The following LAMA5 variants were observed in gnomAD, a reference collection of about 807,000 sequenced individuals.
LAMA5 encodes the protein laminin subunit alpha-5.
In LAMA5, 260 loss-of-function variants were observed where a neutral mutation model predicts 433.4. The observed-to-expected ratio is 0.60, with a 90% CI of 0.54 to 0.66. The LOEUF (loss-of-function observed/expected upper bound fraction) is 0.66, where lower values mean the gene tolerates loss of function less well. Ranked by LOEUF, LAMA5 falls within the 30% of genes least tolerant of loss-of-function variation. The pLI is 0.00. For synonymous variants in LAMA5, 2,620 were observed against 2,226.6 expected (o/e 1.18, Z -4.97); for missense variants, 5,378 against 5,258.5 (o/e 1.02, Z -0.70).
chr20:62,315,684 C>T (rs552859721), intron 58 of LAMA5, among the ~76,000 whole-genome samples: 2 of 152,184 alleles, frequency 1.3e-5, no homozygotes, highest in East Asian at 1.9e-4. Flanking sequence ...CCAATCCCCC[C>T]CAAGGCCTAC....
At chr20:62,327,166 C>T in intron 38 of LAMA5, 67 bp downstream of exon 38, 2 of 1,411,646 alleles carry the variant, frequency 1.4e-6, no homozygotes, top group Non-Finnish European at 1.9e-6. Flanking sequence ...CCGCTCCTGG[C>T]TCCCAACCCT....
At chr20:62,311,816 T>TGGGCCCCCCCC in intron 70 of LAMA5, 32 bp from the exon 71 acceptor site, 3 of 1,520,952 alleles carry the variant, frequency 2.0e-6, no homozygotes, top group Non-Finnish European at 2.7e-6. Flanking sequence ...GCTCGGTTTT[T>TGGGCCCCCCCC]CCCCACCCTG....
chr20:62,322,400 C>A lies in LAMA5; in HGVS notation c.6215G>T (p.Cys2072Phe). Residue 2072 changes from cysteine to phenylalanine, a missense_variant, in exon 47 of 80, where the codon TGT becomes TTT. Transcript: ENST00000252999. ...DGCGGCRPCACGPAAEGSECH... is the reference protein window; with the variant it reads ...DGCGGCRPCAFGPAAEGSECH... ...CTCGGAGCCCTCGGCGGCCGGTCCACAAGCACACGGGCGGCAGCCCCCGCA... is the reference window on the plus strand; with the variant it reads ...CTCGGAGCCCTCGGCGGCCGGTCCAAAAGCACACGGGCGGCAGCCCCCGCA... 1 of 1,594,392 alleles carries A rather than the reference C, an allele frequency of 6.3e-7. No individual in the cohort carries two copies. The highest frequency in any genetic ancestry group is 1.1e-5 in the South Asian group (1 of 88,628).
In LAMA5 at chr20:62,328,851, G is replaced by C; in HGVS notation, c.4440C>G (p.Asn1480Lys). The stretch of plus-strand genomic sequence containing the variant: ...AAGGACTGGGGTACTCACGCCTGCA[G>C]TTGGGGAAGCCCCAGTATCCGGTGG... ...RCATGYWGFP[N>K]CRPCDCGARL... Residue 1480 changes from asparagine (N) to lysine (K), a missense_variant, in exon 34 of 80, where the codon AAC (asparagine) becomes AAG (lysine). Transcript: ENST00000252999. 1.2e-6 allele frequency: 2 copies of C among 1,611,310 alleles called. No individual in the cohort carries two copies. Among genetic ancestry groups the C allele is most frequent in the Non-Finnish European group, 1.7e-6 (2 of 1,179,452 alleles).
At position 62,328,392 on chromosome 20, in the gene LAMA5, G is replaced by C. The variant is rs781745683; in HGVS notation, c.4501C>G (p.Pro1501Ala). Residue 1501 changes from proline to alanine, a missense_variant, in exon 35 of 80, where the codon CCG (proline) becomes GCG (alanine). Transcript: ENST00000252999. ...CDELTGQCIC[P>A]PRTIPPDCLL... ...CAGTCGGGCGGGATGGTGCGTGGCG[G>C]GCAGATGCACTGGCCCGTGAGCTCG... The C allele has an allele frequency of 1.8e-5, 28 of 1,556,746 alleles. No individual in the cohort carries two copies. Among genetic ancestry groups the C allele is most frequent in the Admixed American group, 1.6e-4 (8 of 51,412 alleles).
intron 9 of LAMA5, 108 bp downstream of exon 9, chr20:62,346,398 G>T: frequency 7.3e-7 from 1 of 1,363,724 alleles, no homozygotes; most frequent in Non-Finnish European, 1.0e-6. Flanking sequence ...TCCTGGGCTG[G>T]CCTGGAAGCT....
At chr20:62,349,235 C>A (rs1983819536) in intron 6 of LAMA5, among the ~76,000 whole-genome samples, 1 of 127,828 alleles carries the variant, frequency 7.8e-6, no homozygotes, top group South Asian at 2.6e-4. Context: ...CGTGCCACTG[C>A]ACGCCAGTCT....
intron 9 of LAMA5, 113 bp from the exon 10 acceptor site, chr20:62,346,328 G>C (rs1014822167): frequency 6.9e-7 from 1 of 1,441,122 alleles, no homozygotes; most frequent in African/African-American, 1.4e-5. Flanking sequence ...GAGGGCTACA[G>C]CCAGGCCCCC....
chr20:62,331,066 A>G lies in LAMA5; in HGVS notation c.3616T>C (p.Cys1206Arg). 6.2e-7 allele frequency: 1 copy of G among 1,603,820 alleles called. No individual in the cohort carries two copies. Among genetic ancestry groups the G allele is most frequent in the East Asian group, 2.2e-5 (1 of 44,642 alleles). ...CCAAAGGCGCCGTGGCTGCTGATGC[A>G]GCTGACCCGGGGCTCCACGAACTCC... ...SPEFVEPRVS[C>R]ISSHGAFGPN... Residue 1206 changes from cysteine (C) to arginine (R), a missense_variant, in exon 29 of 80, where the codon TGC becomes CGC. Cys to Arg is a radical substitution (Grantham distance 180). Coordinates refer to ENST00000252999, the MANE Select transcript of LAMA5 (RefSeq NM_005560.6).
chr20:62,353,420 G>T (rs1269416876), intron 2 of LAMA5, 169 bp from the exon 3 acceptor site: 2 of 545,384 alleles, frequency 3.7e-6, no homozygotes, highest in Non-Finnish European at 6.5e-6. Context: ...GAACCCAGGG[G>T]AGAGGGCTCC....
chr20:62,354,798 C>T (rs528821269), intron 2 of LAMA5, among the ~76,000 whole-genome samples: 105 of 152,280 alleles, frequency 6.9e-4, no homozygotes, highest in Non-Finnish European at 1.1e-3. Context: ...AAGTTGTCTC[C>T]AGGCCCTGTC....
chr20:62,337,542 C>CCA, intron 16 of LAMA5, 48 bp downstream of exon 16: 2 of 1,560,932 alleles, frequency 1.3e-6, no homozygotes, highest in Non-Finnish European at 8.7e-7. Context: ...CAGCACAGAC[C>CCA]CACACACAGG....
chr20:62,329,234 G>A lies in LAMA5; in HGVS notation c.4139C>T (p.Pro1380Leu), dbSNP rs1020954911. ...WLWLDYVLVV[P>L]ENVYSFGYLR... ...GTAGCCAAAGCTGTAGACGTTCTCA[G>A]GGACCACGAGTACATAATCCTAGGG... The change falls in exon 33 of 80, where the codon CCT becomes CTT. Residue 1380 changes from proline to leucine, a missense_variant. Transcript: ENST00000252999. 6 of 1,612,448 alleles carry A rather than the reference G, an allele frequency of 3.7e-6. No individual in the cohort carries two copies.
intron 34 of LAMA5, 31 bp from the exon 35 acceptor site, chr20:62,328,476 C>T (rs1473532832): frequency 9.6e-6 from 14 of 1,460,414 alleles, no homozygotes; most frequent in Non-Finnish European, 1.3e-5. Flanking sequence ...TTACTGACCC[C>T]TCTTCCCAGT....
rs984742983 is a variant in LAMA5 at position 62,334,324 on chromosome 20, G to A, written c.2601C>T (p.Tyr867=). 1.2e-6 allele frequency: 2 copies of A among 1,607,296 alleles called. No individual in the cohort carries two copies. Among genetic ancestry groups the A allele is most frequent in the Non-Finnish European group, 1.7e-6 (2 of 1,177,552 alleles). The change falls in exon 22 of 80, where the codon TAC becomes TAT. Residue 867 remains tyrosine (Y), a synonymous_variant. Transcript: ENST00000252999. ...GGCGCAGGTGGTGCAGGTCCGGGAG[G>A]TAGTGGTCCCTCGCAGGCCTGGCCA... ...PTCSEPARDH[Y]LPDLHHLRLE...
chr20:62,355,633 T>A (rs927404907), intron 2 of LAMA5, among the ~76,000 whole-genome samples: 2 of 151,720 alleles, frequency 1.3e-5, no homozygotes, highest in African/African-American at 4.8e-5. Context: ...GGCTCTGAGG[T>A]CATCGTCTAC....
intron 35 of LAMA5, 25 bp downstream of exon 35, chr20:62,328,216 C>A: frequency 6.4e-7 from 1 of 1,573,834 alleles, no homozygotes; most frequent in Non-Finnish European, 8.6e-7. Context: ...CCAGGGGCCG[C>A]GCTGACGCCG....
rs527926930 is a variant in LAMA5 at position 62,319,303 on chromosome 20, GCT to G, written c.6872-292_6872-291del. Among the ~76,000 whole-genome samples, 9 of 152,222 alleles carry G rather than the reference GCT, an allele frequency of 5.9e-5. No homozygotes were observed. The South Asian group carries it at 1.7e-3, about 28-fold the overall frequency. On this transcript the variant is annotated intron_variant, in intron 51 of 79. Coordinates refer to ENST00000252999, the MANE Select transcript of LAMA5 (RefSeq NM_005560.6). ...CCTGGCCCACCCTGCTCCCTGGCCA[GCT>G]CTCTCTGACATGGCACCCCCTGCCG...
At chr20:62,339,553 AG>A (rs1359333849) in intron 11 of LAMA5, among the ~76,000 whole-genome samples, 1 of 152,188 alleles carries the variant, frequency 6.6e-6, no homozygotes, top group Non-Finnish European at 1.5e-5. Context: ...GTTGGGAAGA[AG>A]GTAGAAAGAA....
Sources: gnomAD v4.1 joint callset for allele counts (sites outside exome capture counted in the v4.1 genomes callset) on GRCh38, gnomAD v4.1.1 for gene constraint, MANE v1.5 for transcripts, NCBI Gene and HGNC (gene_info 2026-07-23, HGNC 2026-07-21) for gene names.